Variants in FAM90A20 observed in about 807,000 individuals in gnomAD.
FAM90A20 encodes the protein family with sequence similarity 90 member A20, also known as protein FAM90A20.
the FAM90A20 span, chr8:7,295,482 C>G: frequency 9.3e-4 from 460 of 494,770 alleles, 54 homozygotes; most frequent in African/African-American, 0.011. Context: ...CGTATCCGAA[C>G]TCTCCCAGCA....
chr8:7,296,364 A>C, the FAM90A20 span: 3 of 745,418 alleles, frequency 4.0e-6, no homozygotes, highest in Non-Finnish European at 7.3e-6. Flanking sequence ...TGCCGAATGG[A>C]AAAGGATCCA....
the FAM90A20 span, chr8:7,297,454 A>T: frequency 6.4e-7 from 1 of 1,552,540 alleles, no homozygotes; most frequent in Non-Finnish European, 8.7e-7. Flanking sequence ...CAGCCGCCAC[A>T]CACAGCTTGG....
chr8:7,297,166 C>T, the FAM90A20 span: 8 of 1,534,724 alleles, frequency 5.2e-6, 1 homozygote, highest in Non-Finnish European at 6.2e-6. Flanking sequence ...GGGGCTCCGT[C>T]TTGGCTTCAC....
At chr8:7,297,865 C>G in the FAM90A20 span, 46 of 801,018 alleles carry the variant, frequency 5.7e-5, 2 homozygotes, top group Non-Finnish European at 8.3e-5. Context: ...TGGCGGCCCC[C>G]TCATTTCACT....
chr8:7,297,266 C>T, the FAM90A20 span: 17 of 1,413,018 alleles, frequency 1.2e-5, 2 homozygotes, highest in African/African-American at 4.2e-5. Flanking sequence ...CATCCCTCGG[C>T]CTGCAGTCAG....
chr8:7,295,969 G>A, the FAM90A20 span: 1 of 524,482 alleles, frequency 1.9e-6, no homozygotes, highest in South Asian at 2.0e-5. Context: ...GGAGCTCCGT[G>A]TCCTCCGGGG....
the FAM90A20 span, among the ~76,000 whole-genome samples, chr8:7,296,786 G>A: frequency 7.4e-6 from 1 of 136,038 alleles, no homozygotes; most frequent in Non-Finnish European, 1.5e-5. Flanking sequence ...TTCATGGAAG[G>A]CTGAGTGGAG....
chr8:7,297,614 G>A, the FAM90A20 span: 77 of 1,441,330 alleles, frequency 5.3e-5, 8 homozygotes, highest in Middle Eastern at 3.6e-3. Flanking sequence ...GGGGGCCCCG[G>A]AGAATCTCCA....
At chr8:7,296,367 A>G in the FAM90A20 span, 4 of 744,634 alleles carry the variant, frequency 5.4e-6, 2 homozygotes, top group Non-Finnish European at 9.7e-6. Context: ...CGAATGGAAA[A>G]GGATCCACGG....
chr8:7,296,025 G>C, the FAM90A20 span, among the ~76,000 whole-genome samples: 2 of 129,334 alleles, frequency 1.5e-5, 1 homozygote, highest in African/African-American at 8.4e-5. Flanking sequence ...TCAGGGACGG[G>C]GAGAGGCGGG....
chr8:7,296,044 A>C, the FAM90A20 span, among the ~76,000 whole-genome samples: 509 of 129,286 alleles, frequency 3.9e-3, 168 homozygotes, highest in African/African-American at 0.02. Flanking sequence ...GGGGCGCTTC[A>C]TGCAGGTTCC....
chr8:7,296,855 C>A, the FAM90A20 span, among the ~76,000 whole-genome samples: 2 of 136,804 alleles, frequency 1.5e-5, no homozygotes. Flanking sequence ...GTGCTTAGAT[C>A]AGCTACACAT....
At chr8:7,297,210 C>G in the FAM90A20 span, 1 of 1,531,596 alleles carries the variant, frequency 6.5e-7, no homozygotes, top group Non-Finnish European at 8.8e-7. Flanking sequence ...CTGAGCTCCT[C>G]CTCAAGTCTT....
chr8:7,297,784 C>T, the FAM90A20 span: 6 of 1,361,442 alleles, frequency 4.4e-6, no homozygotes, highest in South Asian at 2.3e-5. Context: ...CAGCGGCCAG[C>T]CATGATGGGG....
the FAM90A20 span, chr8:7,296,416 C>T: frequency 4.1e-6 from 3 of 736,252 alleles, 1 homozygote; most frequent in African/African-American, 4.9e-5. Flanking sequence ...CACCCCGGGC[C>T]CCTGGTCCTT....
the FAM90A20 span, chr8:7,297,440 C>T: frequency 1.3e-6 from 2 of 1,554,254 alleles, no homozygotes; most frequent in South Asian, 1.1e-5. Flanking sequence ...ACAGCCCTGC[C>T]CATCAGCCGC....
At chr8:7,296,737 C>T in the FAM90A20 span, among the ~76,000 whole-genome samples, 3 of 135,890 alleles carry the variant, frequency 2.2e-5, no homozygotes, top group Admixed American at 1.4e-4. Flanking sequence ...TACCCTTGAG[C>T]CACCAACCTG....
the FAM90A20 span, chr8:7,296,953 A>G: frequency 7.7e-5 from 75 of 973,274 alleles, 4 homozygotes; most frequent in Non-Finnish European, 1.1e-4. Flanking sequence ...GCCTGTCGAT[A>G]CTGTACTAAG....
chr8:7,297,466 C>G, the FAM90A20 span: 2 of 1,547,224 alleles, frequency 1.3e-6, no homozygotes. Flanking sequence ...ACAGCTTGGG[C>G]CTAGGCTCCA....
Sources: allele counts gnomAD v4.1 joint callset (sites outside exome capture counted in the v4.1 genomes callset), GRCh38; gene constraint gnomAD v4.1.1; transcripts MANE v1.5; gene names NCBI Gene and HGNC (gene_info 2026-07-23, HGNC 2026-07-21).